Variants in HLCS observed in about 807,000 individuals in gnomAD.
HLCS encodes the protein biotin--protein ligase.
Under a neutral mutation model 75.0 loss-of-function variants are expected in HLCS, and 53 were observed. That is an observed-to-expected ratio of 0.71 (90% CI 0.57 to 0.89). The LOEUF is 0.89. Among genes scored for constraint, HLCS ranks in the 40% least tolerant of loss-of-function variants. HLCS has a pLI of 0.00. For synonymous variants in HLCS, 431 were observed against 428.6 expected (o/e 1.01, Z -0.07); for missense variants, 966 against 1,074.0 (o/e 0.90, Z 1.41).
intron 1 of HLCS, among the ~76,000 whole-genome samples, chr21:36,978,440 G>A (rs1158852279): frequency 6.6e-6 from 1 of 151,594 alleles, no homozygotes; most frequent in African/African-American, 2.4e-5. Context: ...GTTGCAGTGA[G>A]CCAAGATTGT....
intron 6 of HLCS, among the ~76,000 whole-genome samples, chr21:36,834,444 G>A (rs1444577515): frequency 3.9e-5 from 6 of 152,242 alleles, no homozygotes; most frequent in Admixed American, 2.0e-4. Flanking sequence ...GTGGCCAAGC[G>A]CCAGAGAGGC....
chr21:36,863,687 A>T (rs1211852986), intron 6 of HLCS, among the ~76,000 whole-genome samples: 1 of 152,260 alleles, frequency 6.6e-6, no homozygotes, highest in African/African-American at 2.4e-5. Flanking sequence ...TTTTCAGCAT[A>T]GTAATGAAAA....
intron 6 of HLCS, among the ~76,000 whole-genome samples, chr21:36,774,257 A>G (rs1179353228): frequency 6.6e-6 from 1 of 152,082 alleles, no homozygotes; most frequent in Non-Finnish European, 1.5e-5. Context: ...GACCCTGGGG[A>G]TATTATTCCT....
intron 6 of HLCS, among the ~76,000 whole-genome samples, chr21:36,773,887 A>G (rs561698043): frequency 1.3e-5 from 2 of 152,356 alleles, no homozygotes; most frequent in African/African-American, 2.4e-5. Flanking sequence ...CACATATTAC[A>G]TTGTAAAAAC....
At position 36,930,950 on chromosome 21, in the gene HLCS, C is replaced by T. The variant is rs538284474; in HGVS notation, c.1438-517G>A. Among the ~76,000 whole-genome samples, 95 of 152,248 alleles carry T rather than the reference C, an allele frequency of 6.2e-4. 2 individuals carry two copies. The highest frequency in any genetic ancestry group is 2.2e-3 in the African/African-American group (93 of 41,544). On this transcript the variant is annotated intron_variant, in intron 4 of 10. Transcript: ENST00000674895. ...GTACTGATGTTCCACACTCATCAGTCATATGACCTTCCGCAAGTTACTTAA... is the reference window on the plus strand; with the variant it reads ...GTACTGATGTTCCACACTCATCAGTTATATGACCTTCCGCAAGTTACTTAA...
chr21:36,801,311 A>G (rs967008040), intron 6 of HLCS, among the ~76,000 whole-genome samples: 2 of 152,236 alleles, frequency 1.3e-5, no homozygotes, highest in Non-Finnish European at 2.9e-5. Context: ...AGTTGCCTCT[A>G]TCCTGTGATA....
chr21:36,773,487 T>C (rs1222195551), intron 6 of HLCS, among the ~76,000 whole-genome samples: 1 of 152,256 alleles, frequency 6.6e-6, no homozygotes, highest in Non-Finnish European at 1.5e-5. Context: ...GTCTGAGGCA[T>C]CGTGCCCTGC....
At chr21:36,914,474 C>A (rs2065845702) in intron 5 of HLCS, among the ~76,000 whole-genome samples, 1 of 152,176 alleles carries the variant, frequency 6.6e-6, no homozygotes, top group African/African-American at 2.4e-5. Context: ...AGCGGTCTTC[C>A]TTTTATAATG....
intron 6 of HLCS, among the ~76,000 whole-genome samples, chr21:36,775,804 C>T (rs73210788): frequency 0.04 from 6,029 of 152,258 alleles, 143 homozygotes; most frequent in Middle Eastern, 0.11. Flanking sequence ...GAAGTGCTGC[C>T]GCTATTTCAG....
chr21:36,788,312 G>A (rs2060755211), intron 6 of HLCS, among the ~76,000 whole-genome samples: 1 of 152,202 alleles, frequency 6.6e-6, no homozygotes, highest in Admixed American at 6.5e-5. Flanking sequence ...GCCCAAGAGT[G>A]AGGCAAACAC....
At chr21:36,962,615 TTA>T (rs1280763591) in intron 1 of HLCS, among the ~76,000 whole-genome samples, 1 of 151,682 alleles carries the variant, frequency 6.6e-6, no homozygotes, top group African/African-American at 2.4e-5. Context: ...TGGTGAAACC[TTA>T]TCTCTACAAA....
intron 6 of HLCS, among the ~76,000 whole-genome samples, chr21:36,801,139 A>G (rs1569028739): frequency 1.3e-5 from 2 of 152,200 alleles, no homozygotes; most frequent in South Asian, 4.1e-4. Flanking sequence ...GAACATATTT[A>G]TGTAGGAAAA....
intron 7 of HLCS, 57 bp downstream of exon 7, chr21:36,767,161 A>G: frequency 1.3e-6 from 2 of 1,538,438 alleles, no homozygotes; most frequent in East Asian, 2.2e-5. Context: ...CTGGGCCACA[A>G]GAGTTGCAGA....
chr21:36,803,143 C>T (rs565345789), intron 6 of HLCS, among the ~76,000 whole-genome samples: 88 of 152,312 alleles, frequency 5.8e-4, no homozygotes, highest in African/African-American at 2.1e-3. Context: ...ACTACTAGGT[C>T]CACAAAGCCC....
intron 6 of HLCS, among the ~76,000 whole-genome samples, chr21:36,800,357 A>C (rs1306775851): frequency 6.6e-6 from 1 of 152,210 alleles, no homozygotes; most frequent in Non-Finnish European, 1.5e-5. Flanking sequence ...ACAAAGAAAC[A>C]GCAGTCATTT....
At chr21:36,850,919 G>A (rs906118000) in intron 6 of HLCS, among the ~76,000 whole-genome samples, 3 of 152,106 alleles carry the variant, frequency 2.0e-5, no homozygotes, top group South Asian at 2.1e-4. Context: ...AGAGGCCTTC[G>A]AGGACACTAC....
At chr21:36,956,789 T>C (rs1456886823) in intron 2 of HLCS, among the ~76,000 whole-genome samples, 2 of 151,794 alleles carry the variant, frequency 1.3e-5, no homozygotes, top group Non-Finnish European at 1.5e-5. Flanking sequence ...TGGTGGCTCA[T>C]GGCTGTATCA....
intron 6 of HLCS, among the ~76,000 whole-genome samples, chr21:36,810,097 CT>C (rs2061469581): frequency 6.6e-6 from 1 of 152,232 alleles, no homozygotes; most frequent in South Asian, 2.1e-4. Context: ...TCCATATCTG[CT>C]TCCCCTTGGG....
rs769446135 is a variant in HLCS, at chr21:36,759,828, C to T, written c.2135G>A (p.Arg712Gln). The part of the protein sequence containing the change: ...SIPEYQDINL[R>Q]VKWPNDIYYS... ...ATAAATATCGTTGGGCCACTTCACTCGTAAGTTGATATCCTAAAGGGAAAT... is the reference window on the plus strand; with the variant it reads ...ATAAATATCGTTGGGCCACTTCACTTGTAAGTTGATATCCTAAAGGGAAAT... Residue 712 changes from arginine to glutamine, a missense_variant, in exon 9 of 11, where the codon CGA becomes CAA. Transcript: ENST00000674895. 3.7e-5 allele frequency: 59 copies of T among 1,608,830 alleles called. No homozygotes were observed. In the East Asian group the frequency reaches 1.0e-3, roughly 27 times the overall value.
Sources: gnomAD v4.1 joint callset for allele counts (sites outside exome capture counted in the v4.1 genomes callset) on GRCh38, gnomAD v4.1.1 for gene constraint, MANE v1.5 for transcripts, NCBI Gene and HGNC (gene_info 2026-07-23, HGNC 2026-07-21) for gene names.